FOXP1: variants seen among roughly 807,000 people sequenced by gnomAD.
FOXP1 encodes the protein forkhead box P1, also known as forkhead box protein P1.
A neutral mutation model predicts 98.2 loss-of-function variants in FOXP1; 15 were observed. The ratio of observed to expected loss-of-function variants is 0.15; its 90% CI spans 0.10 to 0.24. The LOEUF is 0.24. Among genes scored for constraint, FOXP1 ranks in the 10% least tolerant of loss-of-function variants. The pLI, the probability that FOXP1 is intolerant of heterozygous loss-of-function variation, is 1.00. For synonymous variants in FOXP1, 371 were observed against 314.5 expected (o/e 1.18, Z -1.90); for missense variants, 633 against 848.5 (o/e 0.75, Z 3.15).
chr3:71,086,679 G>T (rs967401200), intron 7 of FOXP1, among the ~76,000 whole-genome samples: 3 of 152,168 alleles, frequency 2.0e-5, no homozygotes, highest in African/African-American at 7.2e-5. Context: ...TTCCAGGAAT[G>T]CCTCTCTTCC....
intron 6 of FOXP1, among the ~76,000 whole-genome samples, chr3:71,151,400 CA>C: frequency 6.6e-6 from 1 of 152,150 alleles, no homozygotes; most frequent in Admixed American, 6.5e-5. Flanking sequence ...ATTGGGGGAG[CA>C]CTTATGATTG....
At chr3:71,088,011 T>C (rs2055327691) in intron 7 of FOXP1, among the ~76,000 whole-genome samples, 1 of 152,174 alleles carries the variant, frequency 6.6e-6, no homozygotes, top group African/African-American at 2.4e-5. Flanking sequence ...CAAATGTATG[T>C]TTTCAGAGAA....
At chr3:70,980,466 CTGAGA>C (rs1183468366) in intron 14 of FOXP1, among the ~76,000 whole-genome samples, 1 of 152,186 alleles carries the variant, frequency 6.6e-6, no homozygotes, top group African/African-American at 2.4e-5. Context: ...CCACTAATAT[CTGAGA>C]TGTTATTACT....
intron 2 of FOXP1, among the ~76,000 whole-genome samples, chr3:71,553,276 T>G (rs150715506): frequency 2.8e-4 from 43 of 152,272 alleles, no homozygotes; most frequent in African/African-American, 9.6e-4. Context: ...TGACAAATAT[T>G]TTTACAAGAT....
In FOXP1 at chr3:70,986,392, T is replaced by C. The variant is rs2039739962; in HGVS notation, c.1146+1602A>G. ...AGGCCTACAGTGCTGGGTCCAACCA[T>C]TATCCTATCACTGTTTTTAATCCGT... On this transcript the variant is annotated intron_variant, in intron 14 of 20. Coordinates refer to ENST00000649528, the MANE Select transcript of FOXP1 (RefSeq NM_001349338.3). 2.0e-5 allele frequency among the ~76,000 whole-genome samples: 3 copies of C among 152,322 alleles called. No individual in the cohort carries two copies. In the South Asian group the frequency reaches 6.2e-4, roughly 32 times the overall value.
At chr3:71,575,252 A>G (rs2047636817) in intron 2 of FOXP1, among the ~76,000 whole-genome samples, 1 of 152,216 alleles carries the variant, frequency 6.6e-6, no homozygotes. Context: ...GCCTCAAGGT[A>G]AAATCAAAGA....
chr3:70,967,648 T>G (rs151336077), intron 19 of FOXP1, among the ~76,000 whole-genome samples: 7 of 151,458 alleles, frequency 4.6e-5, no homozygotes, highest in African/African-American at 1.5e-4. Flanking sequence ...TCTTTTTGTT[T>G]TTTTTTTGGC....
chr3:71,006,038 T>C (rs955171198), intron 12 of FOXP1, among the ~76,000 whole-genome samples: 1 of 152,066 alleles, frequency 6.6e-6, no homozygotes, highest in African/African-American at 2.4e-5. Context: ...TTATTTCAAA[T>C]TTGAGCTGAG....
chr3:71,087,695 GA>G (rs888780967), intron 7 of FOXP1, among the ~76,000 whole-genome samples: 25 of 152,234 alleles, frequency 1.6e-4, no homozygotes, highest in African/African-American at 5.8e-4. Flanking sequence ...TGTGGGTGGG[GA>G]AACTTTGACC....
intron 6 of FOXP1, among the ~76,000 whole-genome samples, chr3:71,174,568 C>A: frequency 6.6e-6 from 1 of 152,140 alleles, no homozygotes; most frequent in Non-Finnish European, 1.5e-5. Context: ...CTTCACAGAT[C>A]ATGGAAGGGT....
intron 7 of FOXP1, among the ~76,000 whole-genome samples, chr3:71,104,072 G>A (rs969003729): frequency 2.0e-5 from 3 of 152,110 alleles, no homozygotes; most frequent in Non-Finnish European, 4.4e-5. Flanking sequence ...TCCAGGAAGA[G>A]TATTTTACCA....
At chr3:70,967,700 GTTTT>G (rs1553657848) in intron 19 of FOXP1, among the ~76,000 whole-genome samples, 4,938 of 63,652 alleles carry the variant, frequency 0.078, 346 homozygotes, top group African/African-American at 0.23. Context: ...TTTTTTTTTT[GTTTT>G]TTTTTGTTTT....
At chr3:71,014,880 C>T (rs1162118184) in intron 12 of FOXP1, among the ~76,000 whole-genome samples, 1 of 151,992 alleles carries the variant, frequency 6.6e-6, no homozygotes, top group Non-Finnish European at 1.5e-5. Flanking sequence ...TCTGAGCAAA[C>T]TATCGCAAGG....
At chr3:71,544,715 G>A (rs2045215179) in intron 2 of FOXP1, among the ~76,000 whole-genome samples, 1 of 152,150 alleles carries the variant, frequency 6.6e-6, no homozygotes, top group African/African-American at 2.4e-5. Flanking sequence ...AGAGGTAAGA[G>A]AGACAAAGGA....
At chr3:71,497,447 T>C (rs2091497251) in intron 2 of FOXP1, among the ~76,000 whole-genome samples, 1 of 152,156 alleles carries the variant, frequency 6.6e-6, no homozygotes, top group Admixed American at 6.5e-5. Context: ...TCTCAAACAT[T>C]TTTTTAAAAT....
rs893872553 is a variant in FOXP1 at position 71,348,117 on chromosome 3, G to GTC, written c.-73+11031_-73+11032dup. On this transcript the variant is annotated intron_variant, in intron 4 of 20. Transcript: ENST00000649528. ...CTGTAATAGAAGTTATGTGAATGTGGTCTCTCTCTCTCTAACTATTTTCTT... is the reference window on the plus strand; with the variant it reads ...CTGTAATAGAAGTTATGTGAATGTGGTCTCTCTCTCTCTCTAACTATTTTCTT... Among the ~76,000 whole-genome samples the GTC allele has an allele frequency of 1.3e-4, 19 of 151,960 alleles. No individual in the cohort carries two copies. In the East Asian group the frequency reaches 2.5e-3, roughly 20 times the overall value.
chr3:71,582,190 G>C, intron 1 of FOXP1: 1 of 984,742 alleles, frequency 1.0e-6, no homozygotes, highest in African/African-American at 1.8e-5. Context: ...AGTCTCCCGG[G>C]ACCAAGGCGG....
intron 3 of FOXP1, among the ~76,000 whole-genome samples, chr3:71,407,591 A>C (rs1275887252): frequency 6.6e-6 from 1 of 152,158 alleles, no homozygotes; most frequent in African/African-American, 2.4e-5. Context: ...TCCAAGACTA[A>C]ACAACATACA....
intron 3 of FOXP1, among the ~76,000 whole-genome samples, chr3:71,386,365 G>C (rs575117135): frequency 6.6e-6 from 1 of 152,258 alleles, no homozygotes; most frequent in South Asian, 2.1e-4. Flanking sequence ...TGAAATCTTG[G>C]CTCCATCTGA....
Sources: allele counts gnomAD v4.1 joint callset (sites outside exome capture counted in the v4.1 genomes callset), GRCh38; gene constraint gnomAD v4.1.1; transcripts MANE v1.5; gene names NCBI Gene and HGNC (gene_info 2026-07-23, HGNC 2026-07-21).